FHOD3: variants seen among roughly 807,000 people sequenced by gnomAD.
The protein encoded by FHOD3 is formin homology 2 domain containing 3.
In FHOD3, 90 loss-of-function variants were observed where a neutral mutation model predicts 173.0. The ratio of observed to expected loss-of-function variants is 0.52; its 90% CI spans 0.44 to 0.62. FHOD3 has a LOEUF of 0.62. FHOD3 is among the 20% of genes least tolerant of loss of function. The probability of loss-of-function intolerance (pLI) is 0.00; values close to 1 mark genes in which losing one functional copy is unlikely to be tolerated. For synonymous variants in FHOD3, 828 were observed against 823.0 expected (o/e 1.01, Z -0.10); for missense variants, 1,945 against 2,034.7 (o/e 0.96, Z 0.85).
At chr18:36,748,104 C>T (rs549760789) in intron 24 of FHOD3, among the ~76,000 whole-genome samples, 4 of 152,058 alleles carry the variant, frequency 2.6e-5, no homozygotes, top group East Asian at 1.9e-4. Context: ...TAAAGTTGGA[C>T]GGGACAAAAA....
intron 15 of FHOD3, among the ~76,000 whole-genome samples, chr18:36,686,111 C>T (rs964961713): frequency 8.6e-5 from 13 of 152,030 alleles, no homozygotes; most frequent in African/African-American, 3.1e-4. Context: ...GGTATATACC[C>T]AAAGGAATAT....
chr18:36,486,526 C>A (rs954407836), intron 3 of FHOD3, among the ~76,000 whole-genome samples: 1 of 152,122 alleles, frequency 6.6e-6, no homozygotes, highest in Non-Finnish European at 1.5e-5. Flanking sequence ...CTGCCCCCAG[C>A]CCAAAGGATG....
At chr18:36,515,705 T>C (rs1459322730) in intron 5 of FHOD3, among the ~76,000 whole-genome samples, 1 of 152,144 alleles carries the variant, frequency 6.6e-6, no homozygotes, top group Non-Finnish European at 1.5e-5. Context: ...TGCAGATAGG[T>C]CTTCCAAAAT....
At chr18:36,337,696 G>A (rs2045393400) in intron 1 of FHOD3, among the ~76,000 whole-genome samples, 1 of 152,128 alleles carries the variant, frequency 6.6e-6, no homozygotes, top group African/African-American at 2.4e-5. Context: ...GAAATACATG[G>A]ATGCCTGTGG....
At chr18:36,366,184 CA>C (rs1156903837) in intron 2 of FHOD3, among the ~76,000 whole-genome samples, 7 of 152,012 alleles carry the variant, frequency 4.6e-5, no homozygotes, top group African/African-American at 1.2e-4. Context: ...GAAAAAGCAT[CA>C]AATAGTAACA....
chr18:36,712,968 TTTGCAAG>T (rs2040252948), intron 18 of FHOD3, among the ~76,000 whole-genome samples: 1 of 152,114 alleles, frequency 6.6e-6, no homozygotes, highest in South Asian at 2.1e-4. Flanking sequence ...GGCGCAACAT[TTTGCAAG>T]TGCTAAAAGA....
chr18:36,300,247 G>A lies in FHOD3; in HGVS notation c.165+2247G>A, dbSNP rs564484189. Among the ~76,000 whole-genome samples, 25 of 152,312 alleles carry A rather than the reference G, an allele frequency of 1.6e-4. No individual in the cohort carries two copies. In the East Asian group the frequency reaches 4.2e-3, roughly 26 times the overall value. ...AAACCAGCCCTGTGTGACTCAGGGC[G>A]TCGGTGCTGTTCTGTTCTGGGAACC... is the stretch of plus-strand genomic sequence containing the variant. On this transcript the variant is annotated intron_variant, in intron 1 of 28. Coordinates refer to ENST00000590592, the MANE Select transcript of FHOD3 (RefSeq NM_001281740.3).
chr18:36,709,465 T>C, intron 18 of FHOD3, 74 bp downstream of exon 18: 1 of 1,486,688 alleles, frequency 6.7e-7, no homozygotes, highest in African/African-American at 1.4e-5. Flanking sequence ...CTCTAAGAGC[T>C]TGTCCACAGG....
chr18:36,603,718 G>T (rs1308654269), intron 8 of FHOD3, among the ~76,000 whole-genome samples: 2 of 152,096 alleles, frequency 1.3e-5, no homozygotes, highest in African/African-American at 4.8e-5. Context: ...TGGCCAGGCT[G>T]GTCTTGAACT....
At chr18:36,602,893 G>C (rs2031579654) in intron 8 of FHOD3, 125 bp downstream of exon 8, 1 of 734,132 alleles carries the variant, frequency 1.4e-6, no homozygotes, top group African/African-American at 1.8e-5. Flanking sequence ...ATCTGGTTGT[G>C]AGGGTGGGCT....
intron 3 of FHOD3, among the ~76,000 whole-genome samples, chr18:36,466,330 G>T (rs1037535437): frequency 1.3e-5 from 2 of 152,194 alleles, no homozygotes; most frequent in South Asian, 4.1e-4. Flanking sequence ...ACTGAGGTTT[G>T]CAGCAGGAGA....
chr18:36,592,566 T>A (rs533554238), intron 6 of FHOD3, among the ~76,000 whole-genome samples: 1 of 151,814 alleles, frequency 6.6e-6, no homozygotes, highest in South Asian at 2.1e-4. Context: ...TGATGGGGAG[T>A]GATTGAGGCT....
chr18:36,744,548 T>C (rs1293323630), intron 23 of FHOD3, among the ~76,000 whole-genome samples: 2 of 152,202 alleles, frequency 1.3e-5, no homozygotes, highest in Non-Finnish European at 2.9e-5. Flanking sequence ...GTCAAAAAGA[T>C]GCAATTTGGC....
In FHOD3 at chr18:36,543,081, A is replaced by G. The variant is rs113117001; in HGVS notation, c.511+30538A>G. Among the ~76,000 whole-genome samples the G allele has an allele frequency of 1.7e-3, 260 of 152,288 alleles. 3 individuals are homozygous for G. Among genetic ancestry groups the G allele is most frequent in the African/African-American group, 5.8e-3 (243 of 41,568 alleles). ...AGGAATTTTGCAAAAGACGGTGCTA[A>G]GACTGCAACAATGGGTCCTTCCTGA... is the stretch of plus-strand genomic sequence containing the variant. On this transcript the variant is annotated intron_variant, in intron 5 of 28. Coordinates refer to ENST00000590592, the MANE Select transcript of FHOD3 (RefSeq NM_001281740.3).
At chr18:36,625,868 C>A in intron 10 of FHOD3, 119 bp downstream of exon 10, 1 of 810,672 alleles carries the variant, frequency 1.2e-6, no homozygotes, top group South Asian at 2.9e-5. Context: ...GCATTGCTCC[C>A]TACCTCTTCT....
At chr18:36,460,410 T>A (rs2052480751) in intron 3 of FHOD3, among the ~76,000 whole-genome samples, 1 of 152,232 alleles carries the variant, frequency 6.6e-6, no homozygotes, top group African/African-American at 2.4e-5. Context: ...TGTAATCTAA[T>A]GCTATTTCAA....
intron 28 of FHOD3, among the ~76,000 whole-genome samples, chr18:36,771,229 T>A (rs562338439): frequency 2.6e-5 from 4 of 152,038 alleles, no homozygotes; most frequent in African/African-American, 4.8e-5. Context: ...TTTAATGAGA[T>A]CCCCAGGTGA....
chr18:36,743,525 AAAC>A (rs2042009372), intron 22 of FHOD3, among the ~76,000 whole-genome samples: 1 of 152,114 alleles, frequency 6.6e-6, no homozygotes, highest in African/African-American at 2.4e-5. Flanking sequence ...GCTTAAAGAA[AAAC>A]AACTGTTTAA....
intron 3 of FHOD3, among the ~76,000 whole-genome samples, chr18:36,375,573 G>A (rs2047400531): frequency 6.6e-6 from 1 of 152,228 alleles, no homozygotes; most frequent in Non-Finnish European, 1.5e-5. Flanking sequence ...ATCCAGGACT[G>A]CATGTTAATG....
Sources: gnomAD v4.1 joint callset for allele counts (sites outside exome capture counted in the v4.1 genomes callset) on GRCh38, gnomAD v4.1.1 for gene constraint, MANE v1.5 for transcripts, NCBI Gene and HGNC (gene_info 2026-07-23, HGNC 2026-07-21) for gene names.